The following PDS5B variants were observed in gnomAD, a reference collection of about 807,000 sequenced individuals.
PDS5B encodes sister chromatid cohesion protein PDS5 homolog B.
A neutral mutation model predicts 184.1 loss-of-function variants in PDS5B; 51 were observed. The ratio of observed to expected loss-of-function variants is 0.28; its 90% CI spans 0.22 to 0.35. The LOEUF (loss-of-function observed/expected upper bound fraction) is 0.35. Ranked by LOEUF, PDS5B falls within the 10% of genes least tolerant of loss-of-function variation. The pLI is 1.00. For missense variants in PDS5B, 1,180 were observed against 1,723.3 expected (o/e 0.68, Z 5.58); for synonymous variants, 566 against 569.2 (o/e 0.99, Z 0.08).
intron 1 of PDS5B, among the ~76,000 whole-genome samples, chr13:32,618,476 G>C (rs1271478390): frequency 6.6e-6 from 1 of 151,546 alleles, no homozygotes; most frequent in East Asian, 1.9e-4. Flanking sequence ...CCTTTGTCCA[G>C]TTACCCGTCC....
At chr13:32,708,491 A>G (rs1952098265) in intron 18 of PDS5B, among the ~76,000 whole-genome samples, 1 of 152,202 alleles carries the variant, frequency 6.6e-6, no homozygotes, top group Non-Finnish European at 1.5e-5. Context: ...AGCATTACTG[A>G]GTTAAAGAGA....
At chr13:32,668,400 C>G (rs1340970625) in intron 7 of PDS5B, among the ~76,000 whole-genome samples, 3 of 152,056 alleles carry the variant, frequency 2.0e-5, no homozygotes, top group Non-Finnish European at 2.9e-5. Flanking sequence ...TCAGTATCAC[C>G]CCAAATCTAC....
intron 3 of PDS5B, chr13:32,652,343 A>T (rs1204028638): frequency 9.9e-6 from 2 of 201,336 alleles, no homozygotes; most frequent in Non-Finnish European, 2.0e-5. Flanking sequence ...CATAATACCT[A>T]GTATAAACAT....
chr13:32,775,188 T>TTG lies in PDS5B; in HGVS notation c.*137_*138dup. Reference sequence around the variant, plus strand: ...GAAGAGTGGACAGTTGGACCTTACTTTGGTGACCCCATACATTTGTGGTCA... The same window carrying TTG: ...GAAGAGTGGACAGTTGGACCTTACTTTGTGGTGACCCCATACATTTGTGGTCA... On this transcript the variant is annotated 3_prime_UTR_variant, in exon 35 of 35. Coordinates refer to ENST00000315596, the MANE Select transcript of PDS5B (RefSeq NM_015032.4). The TTG allele has an allele frequency of 1.4e-6, 1 of 714,518 alleles. No homozygotes were observed. Among genetic ancestry groups the TTG allele is most frequent in the South Asian group, 1.8e-5 (1 of 56,522 alleles). 44.3% of individuals were successfully genotyped at this position (714,518 alleles called of 1,614,324 possible).
At chr13:32,617,361 C>G (rs2058234844) in intron 1 of PDS5B, among the ~76,000 whole-genome samples, 1 of 152,132 alleles carries the variant, frequency 6.6e-6, no homozygotes, top group African/African-American at 2.4e-5. Flanking sequence ...GAGAGGCAGC[C>G]ACATACATAT....
At chr13:32,660,145 C>T (rs1041461492) in intron 6 of PDS5B, among the ~76,000 whole-genome samples, 2 of 152,108 alleles carry the variant, frequency 1.3e-5, no homozygotes, top group African/African-American at 4.8e-5. Context: ...CTTCCTGCTG[C>T]ACCTTCTGAA....
intron 10 of PDS5B, among the ~76,000 whole-genome samples, chr13:32,682,378 C>G (rs2140803910): frequency 6.6e-6 from 1 of 152,226 alleles, no homozygotes; most frequent in East Asian, 1.9e-4. Flanking sequence ...TTGAATCATA[C>G]AATGTGTACT....
intron 1 of PDS5B, among the ~76,000 whole-genome samples, chr13:32,630,171 A>G (rs2058432608): frequency 6.6e-6 from 1 of 152,336 alleles, no homozygotes; most frequent in African/African-American, 2.4e-5. Context: ...ATCTCCCCAG[A>G]AGAATGTACA....
intron 26 of PDS5B, among the ~76,000 whole-genome samples, chr13:32,757,683 G>A (rs1954233803): frequency 6.6e-6 from 1 of 152,102 alleles, no homozygotes; most frequent in South Asian, 2.1e-4. Context: ...ATATTCTCTT[G>A]AAGAGTTCCC....
chr13:32,690,488 T>C (rs1012214169), intron 13 of PDS5B: 2 of 152,162 alleles, frequency 1.3e-5, no homozygotes, highest in African/African-American at 2.4e-5. Context: ...TGACTAACTA[T>C]GTTATAAGTG....
chr13:32,635,817 G>A lies in PDS5B; in HGVS notation c.-19-12937G>A, dbSNP rs186502998. Among the ~76,000 whole-genome samples, 1,091 of 146,674 alleles carry A rather than the reference G, an allele frequency of 7.4e-3. 8 individuals carry two copies. Among genetic ancestry groups the A allele is most frequent in the Admixed American group, 0.011 (155 of 14,554 alleles). On this transcript the variant is annotated intron_variant, in intron 1 of 34. Transcript: ENST00000315596. The stretch of plus-strand genomic sequence containing the variant: ...GAGTCTTGCTCTGTCGCCCAGGCTG[G>A]AAGTGCAGTGGTGCTATCTCGGCTC...
chr13:32,770,476 A>G lies in PDS5B; in HGVS notation c.3980A>G (p.Glu1327Gly). 1 of 1,612,366 alleles carries G rather than the reference A, an allele frequency of 6.2e-7. No individual in the cohort carries two copies. Among genetic ancestry groups the G allele is most frequent in the Non-Finnish European group, 8.5e-7 (1 of 1,179,652 alleles). Residue 1327 changes from glutamate (E) to glycine (G), a missense_variant, in exon 32 of 35, where the codon GAG (glutamate) becomes GGG (glycine). Transcript: ENST00000315596. Reference sequence around the variant, plus strand: ...TCTGGACCTCCAGCACCAGAGGAGGAGGAAGAAGAAGAAAGACAAAGTGGA... The same window carrying G: ...TCTGGACCTCCAGCACCAGAGGAGGGGGAAGAAGAAGAAAGACAAAGTGGA... ...KKSGPPAPEE[E>G]EEEERQSGNT... is the part of the protein sequence containing the mutation.
intron 30 of PDS5B, chr13:32,763,322 AC>A (rs1272981261): frequency 6.5e-6 from 1 of 152,708 alleles, no homozygotes; most frequent in Non-Finnish European, 1.5e-5. Context: ...TGCAGAATGT[AC>A]TATAGAGGAG....
intron 1 of PDS5B, among the ~76,000 whole-genome samples, chr13:32,605,635 TTC>T (rs1202777301): frequency 1.3e-5 from 2 of 152,126 alleles, no homozygotes; most frequent in Non-Finnish European, 2.9e-5. Flanking sequence ...CTTGTTAACT[TTC>T]TGTCTTGATC....
intron 3 of PDS5B, among the ~76,000 whole-genome samples, chr13:32,656,062 G>A (rs1175566554): frequency 2.0e-5 from 3 of 152,114 alleles, no homozygotes; most frequent in Non-Finnish European, 4.4e-5. Flanking sequence ...AGTTATCCCA[G>A]CACCATTTAT....
At chr13:32,661,289 C>T (rs1593363454) in intron 6 of PDS5B, among the ~76,000 whole-genome samples, 1 of 140,214 alleles carries the variant, frequency 7.1e-6, no homozygotes, top group African/African-American at 2.7e-5. Flanking sequence ...GAGGCTGAGG[C>T]AGGAGAATTG....
At chr13:32,735,816 T>C (rs536882757) in intron 21 of PDS5B, among the ~76,000 whole-genome samples, 101 of 152,262 alleles carry the variant, frequency 6.6e-4, no homozygotes, top group Middle Eastern at 6.8e-3. Flanking sequence ...CTAGGTTCTC[T>C]GGAGAATTAA....
At chr13:32,707,706 C>G (rs1952070948) in intron 18 of PDS5B, among the ~76,000 whole-genome samples, 1 of 142,126 alleles carries the variant, frequency 7.0e-6, no homozygotes, top group Non-Finnish European at 1.5e-5. Context: ...CATATGAAAT[C>G]GAGATAATAA....
intron 33 of PDS5B, among the ~76,000 whole-genome samples, 161 bp from the exon 34 acceptor site, chr13:32,773,028 T>A (rs542313632): frequency 2.0e-4 from 31 of 152,344 alleles, no homozygotes; most frequent in East Asian, 1.2e-3. Flanking sequence ...TATGATTAAA[T>A]GCTGGTTTAG....
Sources: allele counts gnomAD v4.1 joint callset (sites outside exome capture counted in the v4.1 genomes callset), GRCh38; gene constraint gnomAD v4.1.1; transcripts MANE v1.5; gene names NCBI Gene and HGNC (gene_info 2026-07-23, HGNC 2026-07-21).